The following KCNH5 variants were observed in gnomAD, a reference collection of about 807,000 sequenced individuals.
The protein encoded by KCNH5 is voltage-gated delayed rectifier potassium channel KCNH5.
KCNH5 carries 46 observed loss-of-function variants against 96.1 expected under a neutral mutation model. That is an observed-to-expected ratio of 0.48 (90% CI 0.38 to 0.61). The LOEUF (loss-of-function observed/expected upper bound fraction) is 0.61. Ranked by LOEUF, KCNH5 falls within the 20% of genes least tolerant of loss-of-function variation. KCNH5 has a pLI of 0.00. For synonymous variants in KCNH5, 439 were observed against 449.8 expected (o/e 0.98, Z 0.30); for missense variants, 907 against 1,225.8 (o/e 0.74, Z 3.88).
intron 3 of KCNH5, 45 bp from the exon 4 acceptor site, chr14:63,001,504 G>T: frequency 2.6e-6 from 4 of 1,552,996 alleles, no homozygotes; most frequent in Non-Finnish European, 3.5e-6. Flanking sequence ...AGTGTGGCAC[G>T]GCCACAGCAG....
At chr14:62,976,622 T>C (rs981938505) in intron 6 of KCNH5, among the ~76,000 whole-genome samples, 1 of 152,140 alleles carries the variant, frequency 6.6e-6, no homozygotes, top group African/African-American at 2.4e-5. Flanking sequence ...CAAAAGCATA[T>C]CTTCAGAAAG....
chr14:62,792,721 C>T (rs138461040), intron 9 of KCNH5, among the ~76,000 whole-genome samples: 4 of 151,536 alleles, frequency 2.6e-5, no homozygotes, highest in Non-Finnish European at 3.0e-5. Flanking sequence ...TCTTTTCTAC[C>T]TCATTCAATT....
At chr14:62,757,611 CAAAA>C (rs533610629) in intron 10 of KCNH5, among the ~76,000 whole-genome samples, 1 of 119,188 alleles carries the variant, frequency 8.4e-6, no homozygotes, top group African/African-American at 3.3e-5. Context: ...ACTATTCAGC[CAAAA>C]AAAAAAAAAC....
At chr14:62,984,546 T>C (rs909646866) in intron 5 of KCNH5, among the ~76,000 whole-genome samples, 1 of 152,180 alleles carries the variant, frequency 6.6e-6, no homozygotes, top group African/African-American at 2.4e-5. Flanking sequence ...AAAACAACAT[T>C]GTTATACTTA....
Position 62,950,559 on chromosome 14 carries a change from C to T in KCNH5, c.943G>A (p.Gly315Arg). ...AAAGAACTGAAGAGACTGCTGATTC[C>T]CTGGATTTAAAAAAAAAAAAAAAAT... ...IINAFENVDE[G>R]ISSLFSSLKV... Residue 315 changes from glycine to arginine, a missense_variant and splice_region_variant, in exon 7 of 11, where the codon GGA becomes AGA. Physicochemically the swap from Gly to Arg is moderately radical, Grantham distance 125. Around this residue, in one of 6 missense-constraint regions of KCNH5, gnomAD observed 370 missense variants for 561.3 expected, o/e 0.66. Transcript: ENST00000322893. 6.6e-7 allele frequency: 1 copy of T among 1,505,954 alleles called. No individual in the cohort carries two copies. The highest frequency in any genetic ancestry group is 8.8e-7 in the Non-Finnish European group (1 of 1,134,020). The allele number at this position is 1,505,954 out of a possible 1,614,324, so 93.3% of individuals were successfully genotyped here.
intron 3 of KCNH5, among the ~76,000 whole-genome samples, chr14:63,002,278 TC>T (rs1357859055): frequency 6.6e-6 from 1 of 152,170 alleles, no homozygotes; most frequent in Non-Finnish European, 1.5e-5. Flanking sequence ...TCAAGGCTTA[TC>T]ATTTGGATAA....
intron 7 of KCNH5, among the ~76,000 whole-genome samples, chr14:62,906,904 T>A (rs1002789810): frequency 3.3e-5 from 5 of 152,190 alleles, no homozygotes; most frequent in African/African-American, 4.8e-5. Flanking sequence ...CTCAAGTACC[T>A]TACCTAGGGT....
At chr14:63,006,725 T>C (rs1298626868) in intron 2 of KCNH5, among the ~76,000 whole-genome samples, 1 of 152,214 alleles carries the variant, frequency 6.6e-6, no homozygotes, top group Non-Finnish European at 1.5e-5. Context: ...CCACAGTATG[T>C]TAACTGTGAG....
intron 3 of KCNH5, among the ~76,000 whole-genome samples, chr14:63,004,109 T>G (rs1475926637): frequency 6.6e-6 from 1 of 152,236 alleles, no homozygotes; most frequent in Non-Finnish European, 1.5e-5. Context: ...TTAAAGGACG[T>G]ATTGGGAGAA....
chr14:62,830,579 C>T (rs141857111), intron 8 of KCNH5, among the ~76,000 whole-genome samples: 9 of 152,226 alleles, frequency 5.9e-5, no homozygotes, highest in South Asian at 4.1e-4. Context: ...TTTAAACCAT[C>T]GGATCTTGTG....
intron 6 of KCNH5, among the ~76,000 whole-genome samples, chr14:62,974,494 C>T (rs117892304): frequency 7.9e-5 from 12 of 152,248 alleles, no homozygotes; most frequent in Admixed American, 3.3e-4. Context: ...AATTTATGTT[C>T]CTTCTTTTCA....
At chr14:62,929,725 AG>A (rs1256406972) in intron 7 of KCNH5, among the ~76,000 whole-genome samples, 1 of 151,988 alleles carries the variant, frequency 6.6e-6, no homozygotes, top group Non-Finnish European at 1.5e-5. Flanking sequence ...AGATACGTGT[AG>A]ATTTGTTACA....
At chr14:62,804,393 G>A (rs573219031) in intron 8 of KCNH5, among the ~76,000 whole-genome samples, 3 of 152,248 alleles carry the variant, frequency 2.0e-5, no homozygotes, top group African/African-American at 7.2e-5. Flanking sequence ...CAATATATTA[G>A]TCATTCTATA....
chr14:62,957,090 C>G (rs1486484074), intron 6 of KCNH5, among the ~76,000 whole-genome samples: 1 of 152,212 alleles, frequency 6.6e-6, no homozygotes, highest in Non-Finnish European at 1.5e-5. Flanking sequence ...CAGCCTTCCA[C>G]CTTTCTAGCC....
chr14:62,771,367 C>T (rs1885982030), intron 10 of KCNH5, among the ~76,000 whole-genome samples: 1 of 152,164 alleles, frequency 6.6e-6, no homozygotes, highest in Admixed American at 6.5e-5. Context: ...TGGCTCACAC[C>T]TGTAATCCCA....
chr14:62,848,508 C>T (rs531601878), intron 8 of KCNH5, among the ~76,000 whole-genome samples: 1 of 152,204 alleles, frequency 6.6e-6, no homozygotes, highest in East Asian at 1.9e-4. Context: ...CACATAGCTG[C>T]CCCCAAGTAT....
chr14:62,902,982 T>G (rs1595677402), intron 7 of KCNH5, among the ~76,000 whole-genome samples: 1 of 152,212 alleles, frequency 6.6e-6, no homozygotes, highest in East Asian at 1.9e-4. Flanking sequence ...CCTCCCCAAG[T>G]GCTGGGATTA....
At chr14:62,745,002 T>C (rs1885346588) in intron 10 of KCNH5, among the ~76,000 whole-genome samples, 1 of 152,136 alleles carries the variant, frequency 6.6e-6, no homozygotes. Flanking sequence ...AGGGAGATTA[T>C]AAAGGGTACA....
Position 62,708,437 on chromosome 14 carries a change from T to C in KCNH5, c.2038A>G (p.Ser680Gly). 1 of 1,597,322 alleles carries C rather than the reference T, an allele frequency of 6.3e-7. No homozygotes were observed. Among genetic ancestry groups the C allele is most frequent in the South Asian group, 1.1e-5 (1 of 90,588 alleles). The change falls in exon 11 of 11, where the codon AGT (serine) becomes GGT (glycine). Residue 680 changes from serine (S) to glycine (G), a missense_variant. Transcript: ENST00000322893. The stretch of plus-strand genomic sequence containing the variant: ...TCCTCCTCCTCTTTCTTCACATCAC[T>C]GATCTTACGAAAGATGATCTGTGGA... The part of the protein sequence containing the change: ...LRKRIIFRKI[S>G]DVKKEEEERL...
Sources: allele counts gnomAD v4.1 joint callset (sites outside exome capture counted in the v4.1 genomes callset), GRCh38; gene constraint gnomAD v4.1.1; regional missense constraint gnomAD v4.1.1; transcripts MANE v1.5; gene names NCBI Gene and HGNC (gene_info 2026-07-23, HGNC 2026-07-21).